SPAG16: variants seen among roughly 807,000 people sequenced by gnomAD.
The protein encoded by SPAG16 is sperm associated antigen 16, also known as sperm-associated antigen 16 protein.
SPAG16 carries 86 observed loss-of-function variants against 80.4 expected under a neutral mutation model. The observed-to-expected ratio is 1.07, with a 90% CI of 0.90 to 1.28. SPAG16 has a LOEUF of 1.28. SPAG16 is among the 50% of genes most tolerant of loss of function. The probability of loss-of-function intolerance (pLI) is 0.00; values close to 1 mark genes in which losing one functional copy is unlikely to be tolerated. For missense variants in SPAG16, 870 were observed against 765.3 expected, an observed-to-expected ratio of 1.14 and a Z score of -1.61; for synonymous variants, 294 against 265.9, an observed-to-expected ratio of 1.11 and a Z score of -1.03.
At chr2:214,059,178 C>G (rs111378224) in intron 13 of SPAG16, among the ~76,000 whole-genome samples, 1 of 120,616 alleles carries the variant, frequency 8.3e-6, no homozygotes, top group African/African-American at 3.2e-5. Flanking sequence ...CTCTGTCTCT[C>G]TCTCTGTCTA....
In SPAG16 at chr2:213,337,330, A is replaced by G. The variant is rs545018087; in HGVS notation, c.537-2833A>G. Among the ~76,000 whole-genome samples the G allele has an allele frequency of 5.3e-5, 8 of 152,328 alleles. No homozygotes were observed. The East Asian group carries it at 9.6e-4, about 18-fold the overall frequency. On this transcript the variant is annotated intron_variant, in intron 5 of 15. Coordinates refer to ENST00000331683, the MANE Select transcript of SPAG16 (RefSeq NM_024532.5). ...TGCCTCTTCTCCTCCAAATGATTGCAACATGTCTCCAGCAAAGGCACAGAA... is the reference window on the plus strand; with the variant it reads ...TGCCTCTTCTCCTCCAAATGATTGCGACATGTCTCCAGCAAAGGCACAGAA...
rs78842017 is a variant in SPAG16 at position 213,775,394 on chromosome 2, A to G, written c.1071-87091A>G. On this transcript the variant is annotated intron_variant, in intron 10 of 15. Coordinates refer to ENST00000331683, the MANE Select transcript of SPAG16 (RefSeq NM_024532.5). ...CATATAGCTGTGAAATTATTACTAC[A>G]TTCTATTTTATAAACACAGCTATCA... Among the ~76,000 whole-genome samples the G allele has an allele frequency of 1.7e-3, 260 of 152,314 alleles. 6 individuals carry two copies. The East Asian group carries it at 0.046, about 27-fold the overall frequency.
chr2:213,873,377 A>T (rs1575422796), intron 11 of SPAG16, among the ~76,000 whole-genome samples: 1 of 151,782 alleles, frequency 6.6e-6, no homozygotes, highest in Non-Finnish European at 1.5e-5. Flanking sequence ...ATTGATTTTA[A>T]TAATTTGAGT....
At chr2:213,833,460 A>ATAT (rs2073810532) in intron 10 of SPAG16, among the ~76,000 whole-genome samples, 1 of 20,448 alleles carries the variant, frequency 4.9e-5, no homozygotes, top group South Asian at 1.3e-3. Flanking sequence ...TATATTATAT[A>ATAT]TATATTATAT....
In SPAG16 at chr2:213,986,866, G is replaced by C. The variant is rs535741922; in HGVS notation, c.1401-27085G>C. The stretch of plus-strand genomic sequence containing the variant: ...GCCAATTAACTGAAAACAGTTTCTA[G>C]TCAATTTGTCTGCCTCTGGTATAGC... On this transcript the variant is annotated intron_variant, in intron 12 of 15. Coordinates refer to ENST00000331683, the MANE Select transcript of SPAG16 (RefSeq NM_024532.5). Among the ~76,000 whole-genome samples the C allele has an allele frequency of 2.7e-5, 3 of 109,960 alleles. No individual in the cohort carries two copies. The East Asian group carries it at 9.4e-4, about 35-fold the overall frequency. 72.1% of individuals were successfully genotyped at this position (109,960 alleles called of 152,430 possible).
chr2:213,773,485 A>G (rs1021074926), intron 10 of SPAG16, among the ~76,000 whole-genome samples: 4 of 152,144 alleles, frequency 2.6e-5, no homozygotes, highest in Non-Finnish European at 5.9e-5. Flanking sequence ...ACGTTTGCTC[A>G]TGGCATAATG....
chr2:213,775,692 T>C (rs143456103), intron 10 of SPAG16, among the ~76,000 whole-genome samples: 84 of 152,364 alleles, frequency 5.5e-4, no homozygotes, highest in African/African-American at 1.9e-3. Flanking sequence ...AGTTTGGCTA[T>C]TTTAGATTCT....
chr2:214,283,499 T>C (rs985219751), intron 15 of SPAG16, among the ~76,000 whole-genome samples: 1 of 152,200 alleles, frequency 6.6e-6, no homozygotes, highest in Non-Finnish European at 1.5e-5. Flanking sequence ...ATAAGTTTGA[T>C]GCTATTTTTA....
intron 12 of SPAG16, among the ~76,000 whole-genome samples, chr2:213,935,997 G>A (rs2106269118): frequency 6.6e-6 from 1 of 151,514 alleles, no homozygotes; most frequent in East Asian, 1.9e-4. Context: ...TTTTGTAGAG[G>A]AAAACTAGAG....
chr2:213,523,449 G>T (rs1400517824), intron 10 of SPAG16, among the ~76,000 whole-genome samples: 2 of 152,160 alleles, frequency 1.3e-5, no homozygotes, highest in Admixed American at 6.5e-5. Flanking sequence ...GTAGAGTGGG[G>T]TACTGCTATA....
At chr2:213,912,533 T>C (rs1332417517) in intron 11 of SPAG16, among the ~76,000 whole-genome samples, 3 of 152,148 alleles carry the variant, frequency 2.0e-5, no homozygotes, top group Non-Finnish European at 4.4e-5. Flanking sequence ...TTCCTGGAAA[T>C]AGTGTGCTTT....
chr2:213,931,165 A>G (rs778262642), intron 12 of SPAG16, among the ~76,000 whole-genome samples: 26 of 152,150 alleles, frequency 1.7e-4, no homozygotes, highest in Non-Finnish European at 3.5e-4. Flanking sequence ...TGAAATTATT[A>G]TTGTTACAAT....
rs201367996 is a variant in SPAG16, at chr2:213,879,163, AT to A, written c.1214+16544del. Among the ~76,000 whole-genome samples, 18 of 150,620 alleles carry A rather than the reference AT, an allele frequency of 1.2e-4. 1 individual carries two copies. Among genetic ancestry groups the A allele is most frequent in the South Asian group, 2.1e-4 (1 of 4,740 alleles). On this transcript the variant is annotated intron_variant, in intron 11 of 15. Coordinates refer to ENST00000331683, the MANE Select transcript of SPAG16 (RefSeq NM_024532.5). ...TTTTTGATTCCATATGAATTTTAGG[AT>A]TTTTTTTTCTAATTCTGTGAAAAAT...
intron 10 of SPAG16, among the ~76,000 whole-genome samples, chr2:213,642,820 CAAAAAAAAAAAAA>C (rs766759239): frequency 0.049 from 56 of 1,136 alleles, 14 homozygotes; most frequent in Non-Finnish European, 0.033. Context: ...GACTCTGTCT[CAAAAAAAAAAAAA>C]AAAAAAAAAA....
chr2:213,679,709 A>C (rs533450248), intron 10 of SPAG16, among the ~76,000 whole-genome samples: 1 of 152,344 alleles, frequency 6.6e-6, no homozygotes, highest in South Asian at 2.1e-4. Context: ...GAATGGCATG[A>C]TACTTTAAAT....
At chr2:214,218,874 C>CCACTCTTGT in intron 15 of SPAG16, among the ~76,000 whole-genome samples, 1 of 152,206 alleles carries the variant, frequency 6.6e-6, no homozygotes, top group East Asian at 1.9e-4. Flanking sequence ...TTACCAGTGG[C>CCACTCTTGT]CACTCTTGTT....
chr2:213,632,607 T>TGTCATATATGG (rs1258335254), intron 10 of SPAG16, among the ~76,000 whole-genome samples: 1 of 152,196 alleles, frequency 6.6e-6, no homozygotes, highest in Admixed American at 6.5e-5. Context: ...GCTGTAAGAC[T>TGTCATATATGG]GTCATATATG....
At chr2:214,072,873 T>A (rs2125231437) in intron 13 of SPAG16, among the ~76,000 whole-genome samples, 1 of 152,308 alleles carries the variant, frequency 6.6e-6, no homozygotes, top group Non-Finnish European at 1.5e-5. Context: ...TTGGATTTAG[T>A]TTCTATAGTA....
intron 10 of SPAG16, among the ~76,000 whole-genome samples, chr2:213,797,456 G>C (rs1019998912): frequency 2.0e-5 from 3 of 152,080 alleles, no homozygotes; most frequent in African/African-American, 7.2e-5. Context: ...TCTATGTTTA[G>C]ATATGTTTAG....
Sources: allele counts gnomAD v4.1 joint callset (sites outside exome capture counted in the v4.1 genomes callset), GRCh38; gene constraint gnomAD v4.1.1; transcripts MANE v1.5; gene names NCBI Gene and HGNC (gene_info 2026-07-23, HGNC 2026-07-21).